Variants in NBEA observed in about 807,000 individuals in gnomAD.
NBEA encodes the protein lysosomal-trafficking regulator 2.
NBEA carries 44 observed loss-of-function variants against 343.4 expected under a neutral mutation model. The observed-to-expected ratio is 0.13, with a 90% CI of 0.10 to 0.16. The LOEUF (loss-of-function observed/expected upper bound fraction) is 0.16. Among genes scored for constraint, NBEA ranks in the 10% least tolerant of loss-of-function variants. The pLI is 1.00. For synonymous variants in NBEA, 1,175 were observed against 1,238.7 expected (o/e 0.95, Z 1.08); for missense variants, 2,555 against 3,631.3 (o/e 0.70, Z 7.62).
chr13:35,064,754 T>C (rs1297162475), intron 8 of NBEA, among the ~76,000 whole-genome samples: 1 of 151,460 alleles, frequency 6.6e-6, no homozygotes, highest in African/African-American at 2.4e-5. Context: ...GGGAGGAAAT[T>C]AGGACACAGC....
At chr13:35,541,795 T>C (rs2078840336) in intron 41 of NBEA, among the ~76,000 whole-genome samples, 2 of 149,760 alleles carry the variant, frequency 1.3e-5, no homozygotes, top group South Asian at 4.2e-4. Context: ...CACAAAAAGG[T>C]AGGGAGTAAT....
chr13:35,006,875 C>T (rs2061336193), intron 1 of NBEA, among the ~76,000 whole-genome samples: 1 of 152,188 alleles, frequency 6.6e-6, no homozygotes, highest in Admixed American at 6.5e-5. Flanking sequence ...GCCTCAGCCT[C>T]TCGAATAGCT....
intron 38 of NBEA, among the ~76,000 whole-genome samples, chr13:35,369,752 G>A (rs570602224): frequency 9.9e-5 from 15 of 152,042 alleles, no homozygotes; most frequent in Admixed American, 2.6e-4. Context: ...TTTTGGTGGA[G>A]TCTTTAGGTT....
intron 34 of NBEA, among the ~76,000 whole-genome samples, chr13:35,264,913 A>C (rs531636942): frequency 6.6e-6 from 1 of 151,886 alleles, no homozygotes; most frequent in African/African-American, 2.4e-5. Context: ...GAAAGAAATA[A>C]AATGCATCCA....
intron 38 of NBEA, among the ~76,000 whole-genome samples, chr13:35,409,077 A>G (rs1025770234): frequency 1.3e-5 from 2 of 152,230 alleles, no homozygotes; most frequent in Non-Finnish European, 2.9e-5. Context: ...CACAATAGGA[A>G]AGATACGGAA....
intron 17 of NBEA, among the ~76,000 whole-genome samples, chr13:35,138,605 G>T (rs112915648): frequency 6.6e-6 from 1 of 151,730 alleles, no homozygotes; most frequent in Non-Finnish European, 1.5e-5. Context: ...GATTACAGGC[G>T]CCTGTCACCA....
intron 38 of NBEA, among the ~76,000 whole-genome samples, chr13:35,375,484 A>G (rs1437222294): frequency 6.6e-6 from 1 of 152,104 alleles, no homozygotes; most frequent in African/African-American, 2.4e-5. Flanking sequence ...ATATTATATC[A>G]ATCCTCAATT....
chr13:34,978,211 CTT>C (rs2060244443), intron 1 of NBEA, among the ~76,000 whole-genome samples: 1 of 152,162 alleles, frequency 6.6e-6, no homozygotes, highest in Non-Finnish European at 1.5e-5. Flanking sequence ...CTGGAAGACT[CTT>C]AAGTCAGCTA....
chr13:35,463,618 G>A (rs548500631), intron 40 of NBEA, among the ~76,000 whole-genome samples: 4 of 151,128 alleles, frequency 2.6e-5, no homozygotes, highest in East Asian at 3.9e-4. Flanking sequence ...AGACTCCGTC[G>A]CAAAAAAAAA....
At chr13:35,167,637 A>C (rs995103327) in intron 24 of NBEA, among the ~76,000 whole-genome samples, 2 of 151,838 alleles carry the variant, frequency 1.3e-5, no homozygotes, top group Non-Finnish European at 1.5e-5. Flanking sequence ...TCAGGGAAAA[A>C]AAATAGACCT....
intron 21 of NBEA, 110 bp downstream of exon 21, chr13:35,157,380 C>G: frequency 1.2e-6 from 1 of 809,930 alleles, no homozygotes; most frequent in Non-Finnish European, 1.7e-6. Flanking sequence ...TTGACAGATT[C>G]CTGTATCTCA....
intron 33 of NBEA, among the ~76,000 whole-genome samples, chr13:35,216,936 A>G (rs1445993470): frequency 6.6e-6 from 1 of 151,920 alleles, no homozygotes; most frequent in Non-Finnish European, 1.5e-5. Flanking sequence ...TACTTGCTCT[A>G]TGGTAAGTAT....
rs540432759 is a variant in NBEA, at chr13:35,469,032, G to A, written c.6449-3368G>A. On this transcript the variant is annotated intron_variant, in intron 40 of 58. Transcript: ENST00000379939. ...GAGAATCGCTTGAGCTCGGGGGGCAGAAGTTGCAGTGAGCCAGAGATTGAG... is the reference window on the plus strand; with the variant it reads ...GAGAATCGCTTGAGCTCGGGGGGCAAAAGTTGCAGTGAGCCAGAGATTGAG... 2.2e-5 allele frequency among the ~76,000 whole-genome samples: 3 copies of A among 135,390 alleles called. No homozygotes were observed. The East Asian group carries it at 6.7e-4, about 30-fold the overall frequency. The allele number at this position is 135,390 out of a possible 152,430, so 88.8% of individuals were successfully genotyped here.
At chr13:35,000,972 GT>G (rs1276482788) in intron 1 of NBEA, among the ~76,000 whole-genome samples, 41 of 151,632 alleles carry the variant, frequency 2.7e-4, no homozygotes, top group South Asian at 2.5e-3. Flanking sequence ...TTTTGTTGTT[GT>G]TGTTGTTGTT....
intron 39 of NBEA, among the ~76,000 whole-genome samples, chr13:35,444,537 A>G (rs1484459988): frequency 6.6e-6 from 1 of 152,096 alleles, no homozygotes; most frequent in Non-Finnish European, 1.5e-5. Flanking sequence ...GAAATGGCGT[A>G]TAATGAAAAG....
At chr13:35,213,297 C>T (rs968471644) in intron 33 of NBEA, among the ~76,000 whole-genome samples, 2 of 152,044 alleles carry the variant, frequency 1.3e-5, no homozygotes, top group Non-Finnish European at 2.9e-5. Flanking sequence ...GTTCAGCAAG[C>T]AGCTCTGCCT....
chr13:35,616,167 C>G (rs545428892), intron 48 of NBEA, among the ~76,000 whole-genome samples: 2 of 152,176 alleles, frequency 1.3e-5, no homozygotes, highest in South Asian at 4.1e-4. Flanking sequence ...AAGTGCTTTT[C>G]TAACTAACCA....
chr13:35,596,786 G>A (rs1455783957), intron 47 of NBEA, among the ~76,000 whole-genome samples: 3 of 151,940 alleles, frequency 2.0e-5, no homozygotes, highest in Non-Finnish European at 4.4e-5. Context: ...GTGACAAAAT[G>A]TCATTAAGGT....
At chr13:35,483,965 T>C (rs540550870) in intron 41 of NBEA, among the ~76,000 whole-genome samples, 1 of 152,176 alleles carries the variant, frequency 6.6e-6, no homozygotes, top group African/African-American at 2.4e-5. Context: ...AAACAACCAC[T>C]AAATATTGGA....
Sources: allele counts gnomAD v4.1 joint callset (sites outside exome capture counted in the v4.1 genomes callset), GRCh38; gene constraint gnomAD v4.1.1; transcripts MANE v1.5; gene names NCBI Gene and HGNC (gene_info 2026-07-23, HGNC 2026-07-21).